Variants in TMEM185A observed in about 807,000 individuals in gnomAD.
The protein encoded by TMEM185A is transmembrane protein 185A.
In TMEM185A, 9 loss-of-function variants were observed where a neutral mutation model predicts 25.0. The ratio of observed to expected loss-of-function variants is 0.36; its 90% CI spans 0.22 to 0.63. The LOEUF (loss-of-function observed/expected upper bound fraction) is 0.63, where lower values mean the gene tolerates loss of function less well. Ranked by LOEUF, TMEM185A falls within the 20% of genes least tolerant of loss-of-function variation. TMEM185A has a pLI of 0.68. For missense variants in TMEM185A, 103 were observed against 237.4 expected, an observed-to-expected ratio of 0.43 and a Z score of 3.72; for synonymous variants, 45 against 93.5, an observed-to-expected ratio of 0.48 and a Z score of 2.99.
intron 1 of TMEM185A, among the ~76,000 whole-genome samples, chrX:149,627,206 C>T (rs1228177893): frequency 2.7e-5 from 3 of 112,607 alleles, no homozygotes; most frequent in Non-Finnish European, 3.8e-5. Context: ...GATGTCCCTG[C>T]GGCCTTCCGC....
intron 1 of TMEM185A, among the ~76,000 whole-genome samples, chrX:149,614,591 C>T (rs1305567081): frequency 1.8e-5 from 2 of 110,858 alleles, no homozygotes; most frequent in Non-Finnish European, 3.8e-5. Flanking sequence ...AATGTAAGCA[C>T]ATTAATCAAT....
At chrX:149,604,493 G>A (rs2090035398) in intron 3 of TMEM185A, among the ~76,000 whole-genome samples, 1 of 111,195 alleles carries the variant, frequency 9.0e-6, no homozygotes, top group South Asian at 3.8e-4. Context: ...CAGGCTCCTT[G>A]AGGACCTTGT....
chrX:149,614,253 A>C lies in TMEM185A; in HGVS notation c.39-2790T>G, dbSNP rs1450725789. Among the ~76,000 whole-genome samples the C allele has an allele frequency of 2.7e-5, 3 of 112,296 alleles. No homozygotes were observed. The East Asian group carries it at 8.3e-4, about 31-fold the overall frequency. ...ACAAGCACAATGGAGTCAAACTAGA[A>C]ATCAACAATAGAAAAATATCTGGAA... On this transcript the variant is annotated intron_variant, in intron 1 of 6. Coordinates refer to ENST00000600449, the MANE Select transcript of TMEM185A (RefSeq NM_032508.4).
intron 1 of TMEM185A, among the ~76,000 whole-genome samples, chrX:149,628,487 C>T (rs1216128089): frequency 3.6e-5 from 4 of 112,347 alleles, no homozygotes; most frequent in African/African-American, 1.3e-4. Context: ...TCATGATCAA[C>T]CAGTTCAGTG....
chrX:149,604,008 C>G lies in TMEM185A; in HGVS notation c.486G>C (p.Lys162Asn). The change falls in exon 4 of 7, where the codon AAG (lysine) becomes AAC (asparagine). Residue 162 changes from lysine to asparagine, a missense_variant. Lys to Asn is a moderately conservative substitution (Grantham distance 94). Coordinates refer to ENST00000600449, the MANE Select transcript of TMEM185A (RefSeq NM_032508.4). ...QFIFIALRLD[K>N]IIHWPWLVVC... Reference sequence around the variant, plus strand: ...ATACAAGCCAGGGCCAGTGGATGATCTTGTCCAGTCTTAAGGCAATGAATA... The same window carrying G: ...ATACAAGCCAGGGCCAGTGGATGATGTTGTCCAGTCTTAAGGCAATGAATA... 2.5e-6 allele frequency: 3 copies of G among 1,208,555 alleles called. No individual in the cohort carries two copies. Among genetic ancestry groups the G allele is most frequent in the Non-Finnish European group, 2.2e-6 (2 of 893,694 alleles).
rs1298727605 is a variant in TMEM185A at position 149,608,697 on chromosome X, G to A, written c.353C>T (p.Pro118Leu). Residue 118 changes from proline (P) to leucine (L), a missense_variant, in exon 3 of 7, where the codon CCG (proline) becomes CTG (leucine). Around this residue, in one of 2 missense-constraint regions of TMEM185A, gnomAD observed 102 missense variants for 125.7 expected, o/e 0.81. Coordinates refer to ENST00000600449, the MANE Select transcript of TMEM185A (RefSeq NM_032508.4). ...AGACACCGGGGAAACAAAGAACAGC[G>A]GCATGAAGACCAGGAGCCAGAAATG... ...GSHFWLLVFM[P>L]LFFVSPVSVA... The A allele has an allele frequency of 3.3e-6, 4 of 1,211,637 alleles. No individual in the cohort carries two copies. The highest frequency in any genetic ancestry group is 4.5e-6 in the Non-Finnish European group (4 of 895,493).
intron 1 of TMEM185A, among the ~76,000 whole-genome samples, chrX:149,616,292 A>T (rs1267142173): frequency 8.9e-6 from 1 of 112,409 alleles, no homozygotes; most frequent in Non-Finnish European, 1.9e-5. Flanking sequence ...TGCTGTAACA[A>T]ACTACCACAA....
At chrX:149,603,808 C>T (rs1449517748) in intron 4 of TMEM185A, 179 bp downstream of exon 4, 3 of 373,020 alleles carry the variant, frequency 8.0e-6, no homozygotes, top group African/African-American at 5.1e-5. Context: ...TATATCCAAA[C>T]TGTTTGTATA....
chrX:149,601,606 G>C (rs1178894005), intron 4 of TMEM185A: 2 of 97,962 alleles, frequency 2.0e-5, no homozygotes, highest in Non-Finnish European at 2.0e-5. Context: ...TCCACAGGTC[G>C]TTCCCTCTCA....
At position 149,611,579 on chromosome X, in the gene TMEM185A, A is replaced by T; in HGVS notation, c.39-116T>A. The T allele has an allele frequency of 4.4e-6, 3 of 680,972 alleles. No homozygotes were observed. In the South Asian group the frequency reaches 9.1e-5, roughly 21 times the overall value. 56.1% of individuals were successfully genotyped at this position (680,972 alleles called of 1,213,427 possible). On this transcript the variant is annotated intron_variant, in intron 1 of 6. Transcript: ENST00000600449. Reference sequence around the variant, plus strand: ...TGTAAAAGGAGTCACTAACTCAATAATCATTTATTGAAAAGGTCTATGGGG... The same window carrying T: ...TGTAAAAGGAGTCACTAACTCAATATTCATTTATTGAAAAGGTCTATGGGG...
intron 1 of TMEM185A, among the ~76,000 whole-genome samples, chrX:149,630,908 A>G (rs1458860188): frequency 9.0e-6 from 1 of 111,669 alleles, no homozygotes; most frequent in Non-Finnish European, 1.9e-5. Context: ...AGCAATATCT[A>G]CTTCCTGCAA....
intron 1 of TMEM185A, among the ~76,000 whole-genome samples, chrX:149,621,678 G>A (rs1327543014): frequency 1.8e-5 from 2 of 111,817 alleles, no homozygotes; most frequent in Non-Finnish European, 3.8e-5. Flanking sequence ...CTATGCTACT[G>A]AAGGCTCTAG....
chrX:149,604,108 A>G, intron 3 of TMEM185A, 38 bp from the exon 4 acceptor site: 1 of 1,015,425 alleles, frequency 9.8e-7, no homozygotes, highest in South Asian at 2.0e-5. Flanking sequence ...ACAAAGTATA[A>G]TTTGCATTTA....
At chrX:149,598,982 G>A (rs1291256053) in intron 6 of TMEM185A, among the ~76,000 whole-genome samples, 12 of 66,848 alleles carry the variant, frequency 1.8e-4, no homozygotes, top group South Asian at 1.5e-3. Flanking sequence ...CTGGCTTTCC[G>A]AAGGGCAATG....
intron 2 of TMEM185A, among the ~76,000 whole-genome samples, chrX:149,609,234 C>G (rs1409498085): frequency 1.8e-5 from 2 of 112,408 alleles, no homozygotes; most frequent in African/African-American, 6.5e-5. Context: ...GGCAAATACC[C>G]CTTAAGTCTC....
intron 2 of TMEM185A, among the ~76,000 whole-genome samples, chrX:149,610,157 G>A (rs782070317): frequency 2.7e-5 from 3 of 110,746 alleles, no homozygotes; most frequent in African/African-American, 6.6e-5. Context: ...GTGGCCGGAC[G>A]TGGTGGCTCA....
chrX:149,613,623 T>C (rs1282148631), intron 1 of TMEM185A, among the ~76,000 whole-genome samples: 2 of 112,324 alleles, frequency 1.8e-5, no homozygotes. Context: ...CCCATCTGAG[T>C]TGTGCTGTAC....
intron 1 of TMEM185A, among the ~76,000 whole-genome samples, chrX:149,622,548 T>C (rs782474681): frequency 4.3e-4 from 48 of 112,186 alleles, no homozygotes; most frequent in Non-Finnish European, 8.1e-4. Flanking sequence ...CATACTTGCT[T>C]TACATATATA....
intron 1 of TMEM185A, 122 bp downstream of exon 1, chrX:149,631,421 G>C: frequency 3.5e-6 from 3 of 864,520 alleles, no homozygotes; most frequent in Non-Finnish European, 4.6e-6. Flanking sequence ...AGGGAGGCTC[G>C]GGCAGGCGCC....
Sources: gnomAD v4.1 joint callset for allele counts (sites outside exome capture counted in the v4.1 genomes callset) on GRCh38, gnomAD v4.1.1 for gene constraint, gnomAD v4.1.1 regional missense constraint, MANE v1.5 for transcripts, NCBI Gene and HGNC (gene_info 2026-07-23, HGNC 2026-07-21) for gene names.